Variants in GALNT13 observed in about 807,000 individuals in gnomAD.
The protein encoded by GALNT13 is polypeptide N-acetylgalactosaminyltransferase 13.
In GALNT13, 28 loss-of-function variants were observed where a neutral mutation model predicts 64.2. The ratio of observed to expected loss-of-function variants is 0.44; its 90% confidence interval spans 0.32 to 0.60. The LOEUF is 0.60. Ranked by LOEUF, GALNT13 falls within the 20% of genes least tolerant of loss-of-function variation. GALNT13 has a pLI of 0.05. For synonymous variants in GALNT13, 214 were observed against 224.6 expected (o/e 0.95, Z 0.42); for missense variants, 577 against 669.8 (o/e 0.86, Z 1.53).
At chr2:153,917,037 G>C (rs905838232) in intron 2 of GALNT13, among the ~76,000 whole-genome samples, 1 of 152,100 alleles carries the variant, frequency 6.6e-6, no homozygotes, top group Admixed American at 6.5e-5. Context: ...ATACACCTCT[G>C]GGCCTCAGTT....
At chr2:153,091,772 A>C in the GALNT13 span, among the ~76,000 whole-genome samples, 1 of 151,866 alleles carries the variant, frequency 6.6e-6, no homozygotes, top group East Asian at 1.9e-4. Flanking sequence ...TTTGCAAATA[A>C]TTTCTCCCAT....
the GALNT13 span, among the ~76,000 whole-genome samples, chr2:153,759,186 C>G: frequency 1.3e-5 from 2 of 151,898 alleles, no homozygotes; most frequent in Non-Finnish European, 2.9e-5. Flanking sequence ...TTTATTAGTT[C>G]TAACAGTTTT....
the GALNT13 span, among the ~76,000 whole-genome samples, chr2:153,101,706 T>A: frequency 1.3e-5 from 2 of 152,208 alleles, no homozygotes; most frequent in East Asian, 3.8e-4. Flanking sequence ...TTTTGAGATA[T>A]TAAAAAATAG....
chr2:154,019,825 A>G (rs1574343519), intron 3 of GALNT13, among the ~76,000 whole-genome samples: 2 of 151,828 alleles, frequency 1.3e-5, no homozygotes, highest in South Asian at 2.1e-4. Context: ...AGCATTAGGT[A>G]TATCTCCTAA....
chr2:153,886,322 A>T (rs548566268), intron 1 of GALNT13, among the ~76,000 whole-genome samples: 2 of 151,848 alleles, frequency 1.3e-5, no homozygotes, highest in Admixed American at 1.3e-4. Flanking sequence ...TTAACTTGTC[A>T]TTTAACATTA....
At chr2:153,885,396 C>T (rs1687102388) in intron 1 of GALNT13, among the ~76,000 whole-genome samples, 1 of 151,902 alleles carries the variant, frequency 6.6e-6, no homozygotes, top group South Asian at 2.1e-4. Context: ...GTAACCAGAT[C>T]CTAAATAGAA....
At chr2:153,070,996 T>C in the GALNT13 span, among the ~76,000 whole-genome samples, 2 of 152,208 alleles carry the variant, frequency 1.3e-5, no homozygotes, top group Non-Finnish European at 2.9e-5. Context: ...ATTATTTTTT[T>C]ATTTAGCCTA....
At chr2:153,468,121 G>A in the GALNT13 span, among the ~76,000 whole-genome samples, 2 of 151,866 alleles carry the variant, frequency 1.3e-5, no homozygotes, top group Non-Finnish European at 2.9e-5. Context: ...GTCATAAAAT[G>A]TGTCTCACTG....
At chr2:154,246,878 A>G (rs1689811872) in intron 7 of GALNT13, among the ~76,000 whole-genome samples, 1 of 152,056 alleles carries the variant, frequency 6.6e-6, no homozygotes, top group Non-Finnish European at 1.5e-5. Context: ...CATTGAACTA[A>G]AGGATGTTAC....
the GALNT13 span, among the ~76,000 whole-genome samples, chr2:153,219,047 A>C: frequency 3.2e-4 from 48 of 152,370 alleles, no homozygotes; most frequent in African/African-American, 1.1e-3. Context: ...TATATGAAAC[A>C]GAATAGTTGC....
the GALNT13 span, among the ~76,000 whole-genome samples, chr2:153,521,249 A>T: frequency 6.6e-6 from 1 of 151,634 alleles, no homozygotes; most frequent in Non-Finnish European, 1.5e-5. Flanking sequence ...TTTACACAGG[A>T]CCACTATGGT....
chr2:153,437,668 C>G, the GALNT13 span, among the ~76,000 whole-genome samples: 1 of 151,126 alleles, frequency 6.6e-6, no homozygotes. Context: ...TTTTTGTTTT[C>G]CATTTGCTTG....
intron 9 of GALNT13, among the ~76,000 whole-genome samples, chr2:154,305,870 C>T (rs929036728): frequency 2.6e-5 from 4 of 152,158 alleles, no homozygotes; most frequent in Non-Finnish European, 5.9e-5. Flanking sequence ...CAAAGTAGTT[C>T]AGAGACAACT....
At chr2:154,414,206 T>C (rs1038487710) in intron 11 of GALNT13, among the ~76,000 whole-genome samples, 1 of 152,074 alleles carries the variant, frequency 6.6e-6, no homozygotes, top group Non-Finnish European at 1.5e-5. Flanking sequence ...AACAAATTGT[T>C]CTTTTTTCTT....
At chr2:153,482,765 C>A in the GALNT13 span, among the ~76,000 whole-genome samples, 4 of 145,838 alleles carry the variant, frequency 2.7e-5, no homozygotes, top group African/African-American at 1.1e-4. Flanking sequence ...CCAACGCACC[C>A]AGCCTTTTTT....
chr2:154,130,467 T>C (rs1682546150), intron 3 of GALNT13, among the ~76,000 whole-genome samples: 1 of 152,168 alleles, frequency 6.6e-6, no homozygotes, highest in Admixed American at 6.5e-5. Flanking sequence ...TTTAGAGTAT[T>C]TGAGGTGATC....
chr2:154,214,338 T>C (rs1687930755), intron 4 of GALNT13, among the ~76,000 whole-genome samples: 1 of 152,170 alleles, frequency 6.6e-6, no homozygotes, highest in Non-Finnish European at 1.5e-5. Flanking sequence ...ACATGTTATA[T>C]TAAAACATTC....
At chr2:154,225,671 C>G (rs1243447746) in intron 4 of GALNT13, among the ~76,000 whole-genome samples, 1 of 152,042 alleles carries the variant, frequency 6.6e-6, no homozygotes, top group African/African-American at 2.4e-5. Context: ...AAAAGGCATA[C>G]AGTTTTATTT....
intron 9 of GALNT13, among the ~76,000 whole-genome samples, chr2:154,364,163 G>A (rs1424896504): frequency 6.6e-6 from 1 of 152,040 alleles, no homozygotes; most frequent in Non-Finnish European, 1.5e-5. Context: ...AAGCTATATG[G>A]TATTGAGACA....
Sources: gnomAD v4.1 joint callset for allele counts (sites outside exome capture counted in the v4.1 genomes callset) on GRCh38, gnomAD v4.1.1 for gene constraint, MANE v1.5 for transcripts, NCBI Gene and HGNC (gene_info 2026-07-23, HGNC 2026-07-21) for gene names.